The following IL31RA variants were observed in gnomAD, a reference collection of about 807,000 sequenced individuals.
The protein encoded by IL31RA is interleukin-31 receptor subunit alpha.
IL31RA carries 66 observed loss-of-function variants against 83.7 expected under a neutral mutation model. The observed-to-expected ratio is 0.79, with a 90% confidence interval of 0.65 to 0.97. The LOEUF (loss-of-function observed/expected upper bound fraction) is 0.97. Ranked by LOEUF, IL31RA falls within the 50% of genes least tolerant of loss-of-function variation. IL31RA has a pLI of 0.00. For synonymous variants in IL31RA, 325 were observed against 329.0 expected (o/e 0.99, Z 0.13); for missense variants, 798 against 919.4 (o/e 0.87, Z 1.71).
At chr5:55,895,606 A>G (rs1187143907) in intron 6 of IL31RA, among the ~76,000 whole-genome samples, 1 of 152,234 alleles carries the variant, frequency 6.6e-6, no homozygotes, top group East Asian at 1.9e-4. Context: ...AAATGCACAT[A>G]TATGATATTT....
In IL31RA at chr5:55,889,986, C is replaced by T; in HGVS notation, c.623C>T (p.Ala208Val). The change falls in exon 6 of 15, where the codon GCT becomes GTT. Residue 208 changes from alanine (A) to valine (V), a missense_variant. By Grantham distance (64) the Ala-to-Val change is moderately conservative. Coordinates refer to ENST00000652347, the MANE Select transcript of IL31RA (RefSeq NM_139017.7). Reference protein sequence around the residue: ...NSTSWMEVNFAKNRKDKNQTY... With the variant: ...NSTSWMEVNFVKNRKDKNQTY... Reference sequence around the variant, plus strand: ...GTCTTGTAGATGGAAGTCAACTTCGCTAAGAACCGTAAGGATAAAAACCAA... The same window carrying T: ...GTCTTGTAGATGGAAGTCAACTTCGTTAAGAACCGTAAGGATAAAAACCAA... 6.2e-7 allele frequency: 1 copy of T among 1,614,114 alleles called. No individual in the cohort carries two copies. The highest frequency in any genetic ancestry group is 8.5e-7 in the Non-Finnish European group (1 of 1,179,956).
intron 10 of IL31RA, 113 bp from the exon 11 acceptor site, chr5:55,908,152 C>A: frequency 6.9e-7 from 1 of 1,455,390 alleles, no homozygotes; most frequent in Non-Finnish European, 9.5e-7. Flanking sequence ...TCAACCCTCA[C>A]CCGTCGCCTC....
At chr5:55,915,243 A>G (rs1451400107) in intron 14 of IL31RA, among the ~76,000 whole-genome samples, 1 of 152,202 alleles carries the variant, frequency 6.6e-6, no homozygotes, top group Non-Finnish European at 1.5e-5. Flanking sequence ...CTGATGGGCT[A>G]ATTAGAGAGA....
At chr5:55,908,206 G>A in intron 10 of IL31RA, 59 bp from the exon 11 acceptor site, 1 of 1,609,842 alleles carries the variant, frequency 6.2e-7, no homozygotes, top group South Asian at 1.1e-5. Context: ...GCCTTTGTGG[G>A]GGAACGATCT....
intron 2 of IL31RA, among the ~76,000 whole-genome samples, chr5:55,867,268 C>CAT (rs143050965): frequency 5.3e-4 from 68 of 127,938 alleles, no homozygotes; most frequent in African/African-American, 2.0e-3. Context: ...TGTTTGTGTG[C>CAT]GTGTGTGTGC....
At position 55,920,571 on chromosome 5, in the gene IL31RA, A is replaced by T. The variant is rs1272507710; in HGVS notation, c.*3451A>T. 9.2e-5 allele frequency among the ~76,000 whole-genome samples: 14 copies of T among 152,238 alleles called. No homozygotes were observed. The highest frequency in any genetic ancestry group is 9.2e-4 in the Admixed American group (14 of 15,288). On this transcript the variant is annotated 3_prime_UTR_variant, in exon 15 of 15. Transcript: ENST00000652347. The stretch of plus-strand genomic sequence containing the variant: ...AGGCAGAGTTGAGTAGTTTCAACAC[A>T]GAGTTTTTCCCACAAAGCAGAAAAC...
chr5:55,868,676 CA>C, intron 2 of IL31RA, 114 bp from the exon 3 acceptor site: 1 of 782,820 alleles, frequency 1.3e-6, no homozygotes, highest in Admixed American at 1.7e-5. Flanking sequence ...AGCAACTAAC[CA>C]AAAAAATCTA....
At chr5:55,914,787 C>A in intron 13 of IL31RA, 60 bp from the exon 14 acceptor site, 1 of 1,185,114 alleles carries the variant, frequency 8.4e-7, no homozygotes, top group Non-Finnish European at 1.3e-6. Flanking sequence ...TTTGACTCAG[C>A]CATATGGTGC....
intron 7 of IL31RA, 65 bp downstream of exon 7, chr5:55,896,494 T>G: frequency 1.2e-6 from 1 of 866,982 alleles, no homozygotes; most frequent in Non-Finnish European, 1.8e-6. Context: ...CTCCCTTCCC[T>G]CCCTTCCCTC....
At chr5:55,905,340 G>A (rs1481559678) in intron 8 of IL31RA, among the ~76,000 whole-genome samples, 2 of 152,074 alleles carry the variant, frequency 1.3e-5, no homozygotes, top group African/African-American at 2.4e-5. Flanking sequence ...TCTGAGCCCC[G>A]CCCAGTTTGT....
At chr5:55,859,644 C>G in intron 2 of IL31RA, 45 bp downstream of exon 2, 1 of 1,296,816 alleles carries the variant, frequency 7.7e-7, no homozygotes, top group Non-Finnish European at 1.1e-6. Flanking sequence ...ATTATTATTG[C>G]CTTCTTTGGA....
chr5:55,908,866 T>C lies in IL31RA; in HGVS notation c.1501+455T>C, dbSNP rs1009261172. 6 of 1,311,518 alleles carry C rather than the reference T, an allele frequency of 4.6e-6. No individual in the cohort carries two copies. The East Asian group carries it at 1.7e-4, about 37-fold the overall frequency. 81.2% of individuals were successfully genotyped at this position (1,311,518 alleles called of 1,614,324 possible). A position where few individuals can be genotyped will look rare whatever the true frequency, so the allele number is the denominator to read the frequency against. On this transcript the variant is annotated intron_variant, in intron 11 of 14. Coordinates refer to ENST00000652347, the MANE Select transcript of IL31RA (RefSeq NM_139017.7). The stretch of plus-strand genomic sequence containing the variant: ...GCAAGGCTTGGATTCTTGCTTAGGC[T>C]AAATAATTTTTTCTTATGGTAAAAT...
intron 7 of IL31RA, among the ~76,000 whole-genome samples, chr5:55,897,858 G>T (rs1295371931): frequency 6.6e-6 from 1 of 152,220 alleles, no homozygotes. Flanking sequence ...CCCAGGAAAT[G>T]CTCATGATGT....
intron 2 of IL31RA, among the ~76,000 whole-genome samples, chr5:55,863,447 A>G (rs1324439253): frequency 1.3e-5 from 2 of 152,244 alleles, no homozygotes; most frequent in East Asian, 1.9e-4. Context: ...CTATCCTCAC[A>G]CACACCATGT....
rs142964382 is a variant in IL31RA, at chr5:55,875,735, T to A, written c.454+3284T>A. Among the ~76,000 whole-genome samples, 73 of 152,258 alleles carry A rather than the reference T, an allele frequency of 4.8e-4. 2 individuals are homozygous for A. Among genetic ancestry groups the A allele is most frequent in the African/African-American group, 1.7e-3 (71 of 41,558 alleles). On this transcript the variant is annotated intron_variant, in intron 4 of 14. Transcript: ENST00000652347. ...AAGCAAATTCAGTTACAAAGAAAACTCAAAACAAAACAAAGCAAACTTTCT... is the reference window on the plus strand; with the variant it reads ...AAGCAAATTCAGTTACAAAGAAAACACAAAACAAAACAAAGCAAACTTTCT...
chr5:55,841,377 C>T, the IL31RA span, among the ~76,000 whole-genome samples: 4 of 152,200 alleles, frequency 2.6e-5, no homozygotes, highest in Non-Finnish European at 5.9e-5. Context: ...TTCTTAGCAT[C>T]ATGGTTACAT....
chr5:55,867,030 C>A (rs1746093785), intron 2 of IL31RA, among the ~76,000 whole-genome samples: 1 of 152,104 alleles, frequency 6.6e-6, no homozygotes, highest in Non-Finnish European at 1.5e-5. Context: ...AGCCTCAGAG[C>A]TGAACATGGC....
Position 55,851,386 on chromosome 5 carries a change from C to A in IL31RA, c.-185C>A. ...CCTCCTTCTGCTTAGGAACACCAGA[C>A]AGCACTCCAGCACTCTGCTTGGGGG... On this transcript the variant is annotated 5_prime_UTR_variant, in exon 1 of 15. Transcript: ENST00000652347. 1.1e-6 allele frequency: 1 copy of A among 952,068 alleles called. No homozygotes were observed. Among genetic ancestry groups the A allele is most frequent in the Non-Finnish European group, 1.6e-6 (1 of 630,650 alleles). The allele number at this position is 952,068 out of a possible 1,614,324, so 59.0% of individuals were successfully genotyped here. A position where few individuals can be genotyped will look rare whatever the true frequency, so the allele number is the denominator to read the frequency against.
At chr5:55,881,574 T>C (rs1421330341) in intron 4 of IL31RA, among the ~76,000 whole-genome samples, 3 of 152,148 alleles carry the variant, frequency 2.0e-5, no homozygotes, top group Non-Finnish European at 2.9e-5. Flanking sequence ...ATGCGCAGTG[T>C]ATTTACTGGA....
Sources: gnomAD v4.1 joint callset for allele counts (sites outside exome capture counted in the v4.1 genomes callset) on GRCh38, gnomAD v4.1.1 for gene constraint, MANE v1.5 for transcripts, NCBI Gene and HGNC (gene_info 2026-07-23, HGNC 2026-07-21) for gene names.